AMN1: variants seen among roughly 807,000 people sequenced by gnomAD.
AMN1 encodes antagonist of mitotic exit network 1 homolog, also known as protein AMN1 homolog.
AMN1 carries 20 observed loss-of-function variants against 33.0 expected under a neutral mutation model. The observed-to-expected ratio is 0.61, with a 90% confidence interval of 0.43 to 0.88. AMN1 has a LOEUF of 0.88. Ranked by LOEUF, AMN1 falls within the 40% of genes least tolerant of loss-of-function variation. The pLI, the probability that AMN1 is intolerant of heterozygous loss-of-function variation, is 0.00. For missense variants in AMN1, 246 were observed against 307.4 expected (o/e 0.80, Z 1.49); for synonymous variants, 114 against 111.9 (o/e 1.02, Z -0.12).
intron 2 of AMN1, among the ~76,000 whole-genome samples, chr12:31,702,755 G>A (rs1014632923): frequency 4.6e-5 from 7 of 151,958 alleles, no homozygotes; most frequent in Admixed American, 1.3e-4. Flanking sequence ...TTTTATTTTT[G>A]AGATGGAATT....
At chr12:31,707,287 T>C (rs1939283357) in intron 2 of AMN1, among the ~76,000 whole-genome samples, 1 of 152,222 alleles carries the variant, frequency 6.6e-6, no homozygotes, top group Non-Finnish European at 1.5e-5. Context: ...CGTATATTTC[T>C]TATTGTGAGT....
At chr12:31,692,874 G>A (rs1277236024) in intron 5 of AMN1, among the ~76,000 whole-genome samples, 1 of 152,088 alleles carries the variant, frequency 6.6e-6, no homozygotes, top group East Asian at 1.9e-4. Flanking sequence ...CTTATGAAAT[G>A]ACTGTAATAT....
At chr12:31,724,553 C>T (rs1229322672) in intron 1 of AMN1, among the ~76,000 whole-genome samples, 1 of 151,844 alleles carries the variant, frequency 6.6e-6, no homozygotes, top group African/African-American at 2.4e-5. Context: ...ATTTTTTTAC[C>T]ATGGTTGACT....
chr12:31,675,569 C>G (rs1179799500), intron 6 of AMN1, among the ~76,000 whole-genome samples: 5 of 150,848 alleles, frequency 3.3e-5, no homozygotes, highest in Non-Finnish European at 7.4e-5. Flanking sequence ...GATCTTGGCT[C>G]ACTGCAACCC....
rs550858449 is a variant in AMN1 at position 31,719,685 on chromosome 12, CTGTT to C, written c.38+9282_38+9285del. On this transcript the variant is annotated intron_variant, in intron 1 of 6. Coordinates refer to ENST00000281471, the MANE Select transcript of AMN1 (RefSeq NM_001113402.2). ...AATTTGGTACAAGCATCTGAGAAAA[CTGTT>C]TGGCCTTATCTAGTAAAGCTAAAGA... Among the ~76,000 whole-genome samples the C allele has an allele frequency of 4.6e-4, 70 of 152,258 alleles. 2 individuals are homozygous for C. The South Asian group carries it at 0.013, about 28-fold the overall frequency.
intron 1 of AMN1, among the ~76,000 whole-genome samples, chr12:31,719,536 AG>A (rs1211868671): frequency 1.3e-5 from 2 of 152,220 alleles, no homozygotes; most frequent in African/African-American, 2.4e-5. Flanking sequence ...GAACTTATGT[AG>A]CATTTTATCA....
intron 2 of AMN1, among the ~76,000 whole-genome samples, chr12:31,708,252 C>T (rs1423878527): frequency 6.6e-6 from 1 of 152,086 alleles, no homozygotes; most frequent in Non-Finnish European, 1.5e-5. Context: ...TATTAAGACC[C>T]TAGGGAAAGA....
At position 31,671,786 on chromosome 12, in the gene AMN1, T is replaced by C. The variant is rs1262715699; in HGVS notation, c.*518A>G. 6.6e-6 allele frequency: 1 copy of C among 152,510 alleles called. No homozygotes were observed. The highest frequency in any genetic ancestry group is 1.5e-5 in the Non-Finnish European group (1 of 68,276). The allele number at this position is 152,510 out of a possible 1,614,324, so 9.4% of individuals were successfully genotyped here. ...CATTTCGGTGAAACAAATACCTAAA[T>C]TCTTTGAAGAATTAACAGGCTTGAT... On this transcript the variant is annotated 3_prime_UTR_variant, in exon 7 of 7. Transcript: ENST00000281471.
intron 5 of AMN1, among the ~76,000 whole-genome samples, chr12:31,689,652 C>T (rs1226517530): frequency 6.6e-6 from 1 of 152,016 alleles, no homozygotes; most frequent in East Asian, 1.9e-4. Context: ...AGGCATTTAC[C>T]CAAGAAAAAT....
intron 6 of AMN1, chr12:31,672,640 A>G (rs1203429974): frequency 9.1e-6 from 3 of 327,992 alleles, no homozygotes; most frequent in African/African-American, 2.1e-5. Flanking sequence ...TAATTTCATC[A>G]TAATTCCACC....
intron 1 of AMN1, among the ~76,000 whole-genome samples, chr12:31,716,680 T>C (rs1939688764): frequency 1.3e-5 from 2 of 152,350 alleles, no homozygotes; most frequent in South Asian, 4.1e-4. Context: ...CTCTTTCATT[T>C]TGGGTTAATT....
chr12:31,725,283 T>C (rs746690223), intron 1 of AMN1, among the ~76,000 whole-genome samples: 3 of 152,188 alleles, frequency 2.0e-5, no homozygotes, highest in Admixed American at 2.0e-4. Flanking sequence ...AAAAGTTAGG[T>C]TGACATAAGT....
At chr12:31,673,680 A>G (rs774056334) in intron 6 of AMN1, 1 of 416,952 alleles carries the variant, frequency 2.4e-6, no homozygotes, top group South Asian at 1.7e-5. Flanking sequence ...GAAAAAGAAA[A>G]CTGCAGACAA....
chr12:31,729,055 C>A, upstream of AMN1: 1 of 1,502,588 alleles, frequency 6.7e-7, no homozygotes, highest in Non-Finnish European at 9.0e-7. Context: ...GCCTCCAGAA[C>A]CCAGCCAGGG....
rs533900657 is a variant in AMN1, at chr12:31,726,492, C to T, written c.38+2479G>A. On this transcript the variant is annotated intron_variant, in intron 1 of 6. Transcript: ENST00000281471. ...GTAATTTCTAATTCTTCTCTTTCCT[C>T]GGTCCCTCTATTCAAAACTATTCAT... 7.2e-5 allele frequency among the ~76,000 whole-genome samples: 11 copies of T among 152,330 alleles called. No homozygotes were observed. The South Asian group carries it at 2.3e-3, about 32-fold the overall frequency.
At position 31,671,558 on chromosome 12, in the gene AMN1, A is replaced by G. The variant is rs1371669995; in HGVS notation, c.*746T>C. The G allele has an allele frequency of 6.6e-6, 1 of 152,254 alleles. No individual in the cohort carries two copies. The highest frequency in any genetic ancestry group is 1.5e-5 in the Non-Finnish European group (1 of 68,040). The allele number at this position is 152,254 out of a possible 1,614,324, so 9.4% of individuals were successfully genotyped here. A position where few individuals can be genotyped will look rare whatever the true frequency, so the allele number is the denominator to read the frequency against. On this transcript the variant is annotated 3_prime_UTR_variant, in exon 7 of 7. Coordinates refer to ENST00000281471, the MANE Select transcript of AMN1 (RefSeq NM_001113402.2). ...CTGTTTATTTCACAATGTGAAATCA[A>G]TAAACCTGAGGATACAAGTCTCTGT...
At chr12:31,714,863 G>T in intron 1 of AMN1, 2 of 956,790 alleles carry the variant, frequency 2.1e-6, no homozygotes, top group Non-Finnish European at 2.5e-6. Flanking sequence ...AAACTAGGAG[G>T]ATCTTTTTAA....
chr12:31,690,027 G>A (rs542809779), intron 5 of AMN1, among the ~76,000 whole-genome samples: 49 of 152,232 alleles, frequency 3.2e-4, no homozygotes, highest in African/African-American at 1.1e-3. Flanking sequence ...TTCCATTCCT[G>A]AGTTACTTCA....
chr12:31,694,140 T>TA (rs372135890), intron 5 of AMN1, among the ~76,000 whole-genome samples: 44,515 of 142,392 alleles, frequency 0.31, 6,813 homozygotes, highest in Non-Finnish European at 0.35. Context: ...GAGTAGTTAG[T>TA]AAAAAAAAAA....
Sources: gnomAD v4.1 joint callset for allele counts (sites outside exome capture counted in the v4.1 genomes callset) on GRCh38, gnomAD v4.1.1 for gene constraint, MANE v1.5 for transcripts, NCBI Gene and HGNC (gene_info 2026-07-23, HGNC 2026-07-21) for gene names.